The following UNC45A variants were observed in gnomAD, a reference collection of about 807,000 sequenced individuals.
UNC45A encodes protein unc-45 homolog A.
In UNC45A, 78 loss-of-function variants were observed where a neutral mutation model predicts 103.2. That is an observed-to-expected ratio of 0.76 (90% CI 0.63 to 0.91). The LOEUF is 0.91. Among genes scored for constraint, UNC45A ranks in the 40% least tolerant of loss-of-function variants. The probability of loss-of-function intolerance (pLI) is 0.00; values close to 1 mark genes in which losing one functional copy is unlikely to be tolerated. For synonymous variants in UNC45A, 495 were observed against 504.6 expected (o/e 0.98, Z 0.25); for missense variants, 1,193 against 1,224.8 (o/e 0.97, Z 0.39).
At chr15:90,931,756 C>T, upstream of UNC45A, 1 of 1,614,202 alleles carries the variant, frequency 6.2e-7, no homozygotes. Context: ...TGTCTGCCAG[C>T]TTCACCAGTT....
chr15:90,943,986 GTTTTTTTTTTTTT>G (rs953436599), intron 8 of UNC45A, among the ~76,000 whole-genome samples: 1 of 78,318 alleles, frequency 1.3e-5, no homozygotes, highest in African/African-American at 5.0e-5. Flanking sequence ...ATTGTGCCCT[GTTTTTTTTTTTTT>G]TTTTTTTTTT....
intron 9 of UNC45A, among the ~76,000 whole-genome samples, chr15:90,945,435 C>T (rs1276238314): frequency 2.6e-5 from 4 of 151,674 alleles, no homozygotes; most frequent in African/African-American, 4.8e-5. Flanking sequence ...GATCTCAGGT[C>T]ACCACAACCT....
In UNC45A at chr15:90,942,453, G is replaced by A. The variant is rs1417445359; in HGVS notation, c.704G>A (p.Ser235Asn). The change falls in exon 7 of 20, where the codon AGC becomes AAC. Residue 235 changes from serine (S) to asparagine (N), a missense_variant. By Grantham distance (46) the Ser-to-Asn change is conservative. Transcript: ENST00000418476. ...EHQSRTVATL[S>N]ILGTRRVVSI... is the part of the protein sequence containing the mutation. ...CCACCCCAGACAGTGGCAACCCTGA[G>A]CATACTGGGAACTCGGCGAGTAGTC... is the stretch of plus-strand genomic sequence containing the variant. The A allele has an allele frequency of 1.9e-6, 3 of 1,612,984 alleles. No homozygotes were observed. Among genetic ancestry groups the A allele is most frequent in the Admixed American group, 3.3e-5 (2 of 59,944 alleles).
intron 6 of UNC45A, among the ~76,000 whole-genome samples, chr15:90,941,922 G>GCACTC (rs1322444934): frequency 6.9e-6 from 1 of 145,620 alleles, no homozygotes; most frequent in African/African-American, 2.6e-5. Flanking sequence ...TCGCGCTACT[G>GCACTC]CACTCCAGCC....
chr15:90,949,693 C>A lies in UNC45A; in HGVS notation c.2046C>A (p.Gly682=). 6.2e-7 allele frequency: 1 copy of A among 1,614,220 alleles called. No homozygotes were observed. Among genetic ancestry groups the A allele is most frequent in the Non-Finnish European group, 8.5e-7 (1 of 1,180,044 alleles). ...TAGTGGAAGAGGTAGAGGACCGAGG[C>A]ACTGTGGTTGCCCAGGGAGGCGGCA... is the stretch of plus-strand genomic sequence containing the variant. ...LALVEEVEDR[G]TVVAQGGGRA... The change falls in exon 15 of 20, where the codon GGC becomes GGA. Residue 682 remains glycine (G), a synonymous_variant. Transcript: ENST00000418476.
chr15:90,935,526 C>T lies in UNC45A; in HGVS notation c.52-18C>T. 1 of 1,580,484 alleles carries T rather than the reference C, an allele frequency of 6.3e-7. No homozygotes were observed. The highest frequency in any genetic ancestry group is 8.6e-7 in the Non-Finnish European group (1 of 1,161,714). ...CCCCGAACCCCCTCCGACGTTTCCG[C>T]CCCCTTTCTCTCTACAGGCCAGCTC... is the stretch of plus-strand genomic sequence containing the variant. On this transcript the variant is annotated intron_variant, in intron 1 of 19. Transcript: ENST00000418476.
chr15:90,950,569 G>A lies in UNC45A; in HGVS notation c.2257G>A (p.Ala753Thr), dbSNP rs758072601. Reference protein sequence around the residue: ...LNCSGLQNFEALMALTNLAGI... With the variant: ...LNCSGLQNFETLMALTNLAGI... The stretch of plus-strand genomic sequence containing the variant: ...CTGCTCAGGCCTGCAGAACTTCGAG[G>A]CGCTCATGGCCCTAACAAACCTGGC... Residue 753 changes from alanine to threonine, a missense_variant, in exon 17 of 20, where the codon GCG becomes ACG. Ala to Thr is a moderately conservative substitution (Grantham distance 58, BLOSUM62 0). Coordinates refer to ENST00000418476, the MANE Select transcript of UNC45A (RefSeq NM_018671.5). The A allele has an allele frequency of 6.2e-7, 1 of 1,614,188 alleles. No homozygotes were observed. The highest frequency in any genetic ancestry group is 8.5e-7 in the Non-Finnish European group (1 of 1,180,024).
upstream of UNC45A, chr15:90,931,804 C>T: frequency 6.2e-7 from 1 of 1,614,184 alleles, no homozygotes; most frequent in Non-Finnish European, 8.5e-7. Flanking sequence ...GCTCCACCTG[C>T]AGCCTCTTTC....
chr15:90,936,002 T>G lies in UNC45A; in HGVS notation c.250+20T>G. The G allele has an allele frequency of 6.2e-7, 1 of 1,613,832 alleles. No homozygotes were observed. The highest frequency in any genetic ancestry group is 8.5e-7 in the Non-Finnish European group (1 of 1,179,860). The stretch of plus-strand genomic sequence containing the variant: ...CCAAAGGTAGGGGAATGGTGGGCCC[T>G]GGTGTGGAGCTGTAGGGCTTCTGTG... On this transcript the variant is annotated intron_variant, in intron 3 of 19. Transcript: ENST00000418476.
In UNC45A at chr15:90,953,715, G is replaced by A; in HGVS notation, c.2834G>A (p.Ter945=). The change falls in exon 20 of 20, where the codon TGA becomes TAA. Residue 945 remains the stop codon, a stop_retained_variant. Coordinates refer to ENST00000418476, the MANE Select transcript of UNC45A (RefSeq NM_018671.5). ...ATCCAACCCAACCAAGATGGAGAGT[G>A]AGGGGGTTGTCCCTGGGCCCAAGGC... ...GLIQPNQDGE[*] is the part of the protein sequence containing the mutation. 1 of 1,613,390 alleles carries A rather than the reference G, an allele frequency of 6.2e-7. No individual in the cohort carries two copies. The highest frequency in any genetic ancestry group is 8.5e-7 in the Non-Finnish European group (1 of 1,179,642).
chr15:90,939,278 G>C (rs998993110), intron 4 of UNC45A, among the ~76,000 whole-genome samples: 3 of 152,206 alleles, frequency 2.0e-5, no homozygotes, highest in African/African-American at 7.2e-5. Flanking sequence ...ACTGCGCCCA[G>C]CTCAGATTAT....
At chr15:90,943,130 T>A in intron 8 of UNC45A, 48 bp downstream of exon 8, 1 of 1,563,476 alleles carries the variant, frequency 6.4e-7, no homozygotes, top group South Asian at 1.2e-5. Context: ...TGAAGTTTGT[T>A]TATTCTTAGG....
rs185280145 is a variant in UNC45A, at chr15:90,943,684, G to A, written c.1027+602G>A. On this transcript the variant is annotated intron_variant, in intron 8 of 19. Transcript: ENST00000418476. Reference sequence around the variant, plus strand: ...GCAGGTTAGCAGAGAGGCTGGATTAGCTTTCTGTATTTTTTTTTTTTTGAG... The same window carrying A: ...GCAGGTTAGCAGAGAGGCTGGATTAACTTTCTGTATTTTTTTTTTTTTGAG... 7.9e-5 allele frequency among the ~76,000 whole-genome samples: 12 copies of A among 151,828 alleles called. No individual in the cohort carries two copies. In the East Asian group the frequency reaches 1.8e-3, roughly 22 times the overall value.
Position 90,940,475 on chromosome 15 carries a change from T to C in UNC45A, c.687+2T>C. 1 of 1,610,992 alleles carries C rather than the reference T, an allele frequency of 6.2e-7. No homozygotes were observed. ...ATTTGCTCTGAGCATCAGTCACGGG[T>C]AGGTGGAGTGGAGAGGCTGGTTACA... On this transcript the variant is annotated splice_donor_variant, in intron 6 of 19. Transcript: ENST00000418476. LOFTEE classifies it high-confidence loss of function.
chr15:90,952,833 C>A, intron 17 of UNC45A, 96 bp from the exon 18 acceptor site: 2 of 1,156,072 alleles, frequency 1.7e-6, no homozygotes, highest in Admixed American at 2.0e-5. Flanking sequence ...TCCCACCAGG[C>A]CCTACCTCCA....
chr15:90,949,321 G>A lies in UNC45A; in HGVS notation c.1884G>A (p.Lys628=). Residue 628 remains lysine (K), a synonymous_variant, in exon 14 of 20, where the codon AAG becomes AAA. Coordinates refer to ENST00000418476, the MANE Select transcript of UNC45A (RefSeq NM_018671.5). ...TAAGCTGCCTCCTCCCCCAGGACAA[G>A]CCAAGCTTCGTGCGGGCTCGGGTGA... ...QHVPEQHPKD[K]PSFVRARVKK... is the part of the protein sequence containing the mutation. 1 of 1,611,762 alleles carries A rather than the reference G, an allele frequency of 6.2e-7. No individual in the cohort carries two copies. The highest frequency in any genetic ancestry group is 2.2e-5 in the East Asian group (1 of 44,884).
Position 90,946,232 on chromosome 15 carries a change from G to A in UNC45A, c.1200-382G>A, listed in dbSNP as rs112982199. Among the ~76,000 whole-genome samples, 584 of 144,632 alleles carry A rather than the reference G, an allele frequency of 4.0e-3. 5 individuals are homozygous for A. Among genetic ancestry groups the A allele is most frequent in the African/African-American group, 0.014 (552 of 38,304 alleles). 94.9% of individuals were successfully genotyped at this position (144,632 alleles called of 152,430 possible). A position where few individuals can be genotyped will look rare whatever the true frequency, so the allele number is the denominator to read the frequency against. On this transcript the variant is annotated intron_variant, in intron 9 of 19. Coordinates refer to ENST00000418476, the MANE Select transcript of UNC45A (RefSeq NM_018671.5). ...TCACGCCATTGCACTCCAGCCTTGG[G>A]GACAGAGTGAGACTCTGTCTCAAAA...
At chr15:90,949,109 C>T (rs1394201365) in intron 13 of UNC45A, among the ~76,000 whole-genome samples, 1 of 152,104 alleles carries the variant, frequency 6.6e-6, no homozygotes. Flanking sequence ...ATCTCCTGAC[C>T]TCGTGATCCG....
chr15:90,953,589 G>A lies in UNC45A; in HGVS notation c.2708G>A (p.Ser903Asn), dbSNP rs1246275671. The change falls in exon 20 of 20, where the codon AGT (serine) becomes AAT (asparagine). Residue 903 changes from serine (S) to asparagine (N), a missense_variant. Physicochemically the swap from Ser to Asn is conservative, Grantham distance 46. Coordinates refer to ENST00000418476, the MANE Select transcript of UNC45A (RefSeq NM_018671.5). ...SREIASTLME[S>N]EMMEILSVLA... is the part of the protein sequence containing the mutation. ...GAGATTGCCAGCACCCTGATGGAGA[G>A]TGAGATGATGGAGATCTTGTCAGTG... 6.2e-7 allele frequency: 1 copy of A among 1,614,196 alleles called. No homozygotes were observed. Among genetic ancestry groups the A allele is most frequent in the Non-Finnish European group, 8.5e-7 (1 of 1,180,032 alleles).
Sources: allele counts gnomAD v4.1 joint callset (sites outside exome capture counted in the v4.1 genomes callset), GRCh38; gene constraint gnomAD v4.1.1; transcripts MANE v1.5; gene names NCBI Gene and HGNC (gene_info 2026-07-23, HGNC 2026-07-21).